The following NSUN6 variants were observed in gnomAD, a reference collection of about 807,000 sequenced individuals.
The protein encoded by NSUN6 is NOP2/Sun RNA methyltransferase 6.
Under a neutral mutation model 58.0 loss-of-function variants are expected in NSUN6, and 64 were observed. The observed-to-expected ratio is 1.10, with a 90% CI of 0.90 to 1.36. The LOEUF is 1.36. NSUN6 is among the 40% of genes most tolerant of loss of function. NSUN6 has a pLI of 0.00. For synonymous variants in NSUN6, 231 were observed against 193.9 expected, an observed-to-expected ratio of 1.19 and a Z score of -1.59; for missense variants, 701 against 550.1, an observed-to-expected ratio of 1.27 and a Z score of -2.74.
At chr10:18,557,414 A>AGAATG (rs983009909) in intron 8 of NSUN6, among the ~76,000 whole-genome samples, 1 of 150,508 alleles carries the variant, frequency 6.6e-6, no homozygotes, top group South Asian at 2.1e-4. Context: ...AATGGAATGG[A>AGAATG]GAATGGAATG....
intron 3 of NSUN6, among the ~76,000 whole-genome samples, chr10:18,631,491 A>T (rs78442348): frequency 3.4e-4 from 44 of 129,810 alleles, no homozygotes; most frequent in African/African-American, 1.2e-3. Context: ...ACATGATTGT[A>T]TATCTAGAAA....
chr10:18,615,128 T>TATAC (rs562207637), intron 4 of NSUN6, among the ~76,000 whole-genome samples: 1,590 of 148,014 alleles, frequency 0.011, 7 homozygotes, highest in African/African-American at 0.015. Flanking sequence ...TATATATATA[T>TATAC]ACACACACAT....
chr10:18,593,138 A>G (rs189883706), intron 7 of NSUN6, among the ~76,000 whole-genome samples: 1 of 152,224 alleles, frequency 6.6e-6, no homozygotes, highest in Non-Finnish European at 1.5e-5. Context: ...GAGAAATGCA[A>G]ATCAAAACCA....
At chr10:18,561,807 T>C (rs1285890328) in intron 8 of NSUN6, among the ~76,000 whole-genome samples, 1 of 150,100 alleles carries the variant, frequency 6.7e-6, no homozygotes, top group African/African-American at 2.5e-5. Flanking sequence ...TGGAATGGAA[T>C]GCAGTGGTGA....
At chr10:18,552,650 T>A (rs2054678365) in intron 8 of NSUN6, among the ~76,000 whole-genome samples, 1 of 151,822 alleles carries the variant, frequency 6.6e-6, no homozygotes, top group Non-Finnish European at 1.5e-5. Context: ...TCCATTCCAT[T>A]CCCCATTCTA....
chr10:18,588,214 G>T (rs1328329297), intron 7 of NSUN6, among the ~76,000 whole-genome samples: 3 of 152,204 alleles, frequency 2.0e-5, no homozygotes, highest in Admixed American at 6.5e-5. Flanking sequence ...TGCTTCTCTA[G>T]ATTCCTCCTC....
intron 8 of NSUN6, among the ~76,000 whole-genome samples, chr10:18,578,794 G>A (rs1251730043): frequency 6.6e-6 from 1 of 152,044 alleles, no homozygotes; most frequent in Non-Finnish European, 1.5e-5. Flanking sequence ...ATGGAATAAG[G>A]TGCCCAAGCT....
intron 8 of NSUN6, among the ~76,000 whole-genome samples, chr10:18,573,714 G>A (rs2056508604): frequency 6.6e-6 from 1 of 152,066 alleles, no homozygotes; most frequent in African/African-American, 2.4e-5. Context: ...GGGTTGCTAC[G>A]AGTCTCAAAA....
chr10:18,604,942 G>A (rs2057993589), intron 6 of NSUN6, among the ~76,000 whole-genome samples: 1 of 150,104 alleles, frequency 6.7e-6, no homozygotes, highest in Admixed American at 6.6e-5. Context: ...CTGGAGTGCA[G>A]TGGCGTGATC....
chr10:18,581,051 C>T (rs2056881971), intron 8 of NSUN6, among the ~76,000 whole-genome samples: 1 of 152,170 alleles, frequency 6.6e-6, no homozygotes. Flanking sequence ...GTTTTGTATG[C>T]TGACATACTT....
At chr10:18,653,249 TACTG>T, upstream of NSUN6, 1 of 983,858 alleles carries the variant, frequency 1.0e-6, no homozygotes. Flanking sequence ...CTCAAATACT[TACTG>T]AATGACTAAA....
At chr10:18,571,989 C>T (rs1159699553) in intron 8 of NSUN6, among the ~76,000 whole-genome samples, 1 of 150,816 alleles carries the variant, frequency 6.6e-6, no homozygotes, top group East Asian at 2.0e-4. Context: ...CATTCCATTC[C>T]AGTCTCCATT....
chr10:18,588,228 G>A (rs7085318), intron 7 of NSUN6, among the ~76,000 whole-genome samples: 32,776 of 152,138 alleles, frequency 0.22, 3,903 homozygotes, highest in South Asian at 0.34. Flanking sequence ...CCTCCTCACT[G>A]GGCAGGGCAT....
chr10:18,579,636 G>A (rs2056818203), intron 8 of NSUN6, among the ~76,000 whole-genome samples: 1 of 152,168 alleles, frequency 6.6e-6, no homozygotes, highest in African/African-American at 2.4e-5. Flanking sequence ...CCAGGTGGTT[G>A]GGGGTACAGT....
chr10:18,556,721 A>G (rs533786313), intron 8 of NSUN6, among the ~76,000 whole-genome samples: 2 of 145,178 alleles, frequency 1.4e-5, no homozygotes, highest in African/African-American at 2.5e-5. Context: ...AATGGAATGG[A>G]GAATGGATTG....
At chr10:18,546,472 A>T (rs2054269910) in intron 10 of NSUN6, among the ~76,000 whole-genome samples, 1 of 152,200 alleles carries the variant, frequency 6.6e-6, no homozygotes, top group African/African-American at 2.4e-5. Flanking sequence ...GTGTGACTTT[A>T]GGTAATGTTA....
At chr10:18,648,283 A>G (rs1484828460) in intron 2 of NSUN6, among the ~76,000 whole-genome samples, 1 of 152,202 alleles carries the variant, frequency 6.6e-6, no homozygotes, top group African/African-American at 2.4e-5. Flanking sequence ...TTAGTCACCA[A>G]AAATGAATAA....
intron 1 of NSUN6, among the ~76,000 whole-genome samples, chr10:18,649,520 C>T (rs1407735053): frequency 6.6e-6 from 1 of 151,308 alleles, no homozygotes; most frequent in Non-Finnish European, 1.5e-5. Flanking sequence ...CCCAGCTACT[C>T]GGGAGGCTGA....
upstream of NSUN6, chr10:18,653,378 T>C (rs753309528): frequency 1.5e-5 from 14 of 964,052 alleles, no homozygotes; most frequent in Non-Finnish European, 1.6e-5. Context: ...ATTTAGACTT[T>C]TTTGTTTGTT....
Sources: allele counts gnomAD v4.1 joint callset (sites outside exome capture counted in the v4.1 genomes callset), GRCh38; gene constraint gnomAD v4.1.1; transcripts MANE v1.5; gene names NCBI Gene and HGNC (gene_info 2026-07-23, HGNC 2026-07-21).